Variants in GAREM1 observed in about 807,000 individuals in gnomAD.
GAREM1 encodes GRB2-associated and regulator of MAPK protein 1.
In GAREM1, 26 loss-of-function variants were observed where a neutral mutation model predicts 71.3. The ratio of observed to expected loss-of-function variants is 0.36; its 90% confidence interval spans 0.27 to 0.51. The LOEUF is 0.51. GAREM1 is among the 20% of genes least tolerant of loss of function. The pLI is 0.95. For synonymous variants in GAREM1, 440 were observed against 433.2 expected (o/e 1.02, Z -0.20); for missense variants, 1,026 against 1,103.1 (o/e 0.93, Z 0.99).
intron 4 of GAREM1, among the ~76,000 whole-genome samples, chr18:32,279,566 G>T (rs1320719306): frequency 6.6e-6 from 1 of 152,174 alleles, no homozygotes; most frequent in Non-Finnish European, 1.5e-5. Context: ...CCATCCAGTT[G>T]CAGGAAAACA....
intron 3 of GAREM1, among the ~76,000 whole-genome samples, chr18:32,295,570 T>C (rs185134031): frequency 1.3e-5 from 2 of 152,350 alleles, no homozygotes; most frequent in Admixed American, 1.3e-4. Context: ...AATATGTGTT[T>C]AGAAAACTAG....
rs146629535 is a variant in GAREM1 at position 32,312,151 on chromosome 18, C to T, written c.263-1828G>A. Among the ~76,000 whole-genome samples, 8 of 152,190 alleles carry T rather than the reference C, an allele frequency of 5.3e-5. No individual in the cohort carries two copies. In the East Asian group the frequency reaches 9.6e-4, roughly 18 times the overall value. On this transcript the variant is annotated intron_variant, in intron 2 of 5. Transcript: ENST00000269209. ...AGATGTTCAAAAAGTTCTTAGACACCGAAGTGTGGAGGTCAGGAGAGAAGT... is the reference window on the plus strand; with the variant it reads ...AGATGTTCAAAAAGTTCTTAGACACTGAAGTGTGGAGGTCAGGAGAGAAGT...
At chr18:32,349,579 T>C (rs1019885399) in intron 2 of GAREM1, among the ~76,000 whole-genome samples, 2 of 152,160 alleles carry the variant, frequency 1.3e-5, no homozygotes, top group Non-Finnish European at 2.9e-5. Flanking sequence ...GAAAAGGAAA[T>C]TTAAAAAATC....
intron 3 of GAREM1, among the ~76,000 whole-genome samples, chr18:32,299,222 T>G (rs1175986062): frequency 6.6e-6 from 1 of 151,920 alleles, no homozygotes; most frequent in Non-Finnish European, 1.5e-5. Flanking sequence ...AAATAAAAAG[T>G]GATTATATCT....
intron 1 of GAREM1, among the ~76,000 whole-genome samples, chr18:32,400,723 A>G (rs949099105): frequency 1.1e-4 from 16 of 152,118 alleles, no homozygotes; most frequent in Non-Finnish European, 1.5e-4. Flanking sequence ...TACACTGTTG[A>G]TGGGACTGTA....
chr18:32,288,263 T>C, intron 3 of GAREM1, 60 bp from the exon 4 acceptor site: 3 of 1,385,048 alleles, frequency 2.2e-6, no homozygotes, highest in South Asian at 2.8e-5. Flanking sequence ...CGCAAAGAAC[T>C]TCCTATTAAG....
chr18:32,316,480 T>C (rs552621080), intron 2 of GAREM1, among the ~76,000 whole-genome samples: 8 of 152,332 alleles, frequency 5.3e-5, no homozygotes, highest in African/African-American at 1.9e-4. Context: ...TGAGACAAGG[T>C]CTGGCTCTAT....
intron 1 of GAREM1, among the ~76,000 whole-genome samples, chr18:32,416,057 A>G (rs1285007510): frequency 3.3e-5 from 5 of 152,134 alleles, no homozygotes; most frequent in African/African-American, 1.2e-4. Context: ...ACAAAAATCA[A>G]TGGCATTTCT....
intron 2 of GAREM1, among the ~76,000 whole-genome samples, chr18:32,328,436 G>C (rs922933968): frequency 6.6e-6 from 1 of 152,130 alleles, no homozygotes; most frequent in Non-Finnish European, 1.5e-5. Context: ...GCTTCTTTCA[G>C]CAGTTACACT....
At chr18:32,418,221 G>A (rs929807769) in intron 1 of GAREM1, among the ~76,000 whole-genome samples, 6 of 152,234 alleles carry the variant, frequency 3.9e-5, no homozygotes, top group South Asian at 2.1e-4. Context: ...AGAGCAACCC[G>A]TGTTCTTTTC....
At chr18:32,375,990 A>G (rs945716457) in intron 2 of GAREM1, among the ~76,000 whole-genome samples, 1 of 144,446 alleles carries the variant, frequency 6.9e-6, no homozygotes, top group African/African-American at 2.7e-5. Flanking sequence ...AGTTGAATGT[A>G]AAAAAAAAAA....
chr18:32,376,934 T>G (rs2048036018), intron 2 of GAREM1, among the ~76,000 whole-genome samples: 1 of 152,220 alleles, frequency 6.6e-6, no homozygotes, highest in Non-Finnish European at 1.5e-5. Context: ...TTACATGATG[T>G]TTAGTATAAG....
rs1397118597 is a variant in GAREM1, at chr18:32,470,153, C to T, written c.121+155G>A. On this transcript the variant is annotated intron_variant, in intron 1 of 5. Coordinates refer to ENST00000269209, the MANE Select transcript of GAREM1 (RefSeq NM_001242409.2). The surrounding 1 kb of genome is among the most constrained non-coding windows in gnomAD (Gnocchi z 4.4). ...TGCTGCTGGGGGGAGTTGAGAGCAA[C>T]GCGCCAGGGCTGCGGCAGCCGCTCG... The T allele has an allele frequency of 4.4e-6, 4 of 903,794 alleles. No individual in the cohort carries two copies. Among genetic ancestry groups the T allele is most frequent in the East Asian group, 3.4e-5 (1 of 29,752 alleles). 56.0% of individuals were successfully genotyped at this position (903,794 alleles called of 1,614,324 possible).
Position 32,268,788 on chromosome 18 carries a change from G to A in GAREM1, c.1734-20C>T. On this transcript the variant is annotated intron_variant, in intron 5 of 5. Coordinates refer to ENST00000269209, the MANE Select transcript of GAREM1 (RefSeq NM_001242409.2). ...ACGCTGCTTAAAAGCAAACACAGAAGGAGAAATCAGTTAAAAGAAAAAAGC... is the reference window on the plus strand; with the variant it reads ...ACGCTGCTTAAAAGCAAACACAGAAAGAGAAATCAGTTAAAAGAAAAAAGC... 1.9e-6 allele frequency: 3 copies of A among 1,596,078 alleles called. No homozygotes were observed. The highest frequency in any genetic ancestry group is 1.7e-5 in the Admixed American group (1 of 57,906).
intron 2 of GAREM1, among the ~76,000 whole-genome samples, chr18:32,335,518 C>T (rs2047582213): frequency 6.6e-6 from 1 of 152,176 alleles, no homozygotes; most frequent in Non-Finnish European, 1.5e-5. Flanking sequence ...CAATTATGGG[C>T]TCCAGCAAAA....
At chr18:32,386,603 A>AATCTGTTCATCCATGATGACAGT (rs759397025) in intron 2 of GAREM1, among the ~76,000 whole-genome samples, 9 of 152,232 alleles carry the variant, frequency 5.9e-5, no homozygotes, top group African/African-American at 1.9e-4. Flanking sequence ...TTCAAGTAGC[A>AATCTGTTCATCCATGATGACAGT]ATCTGTTCAT....
intron 4 of GAREM1, among the ~76,000 whole-genome samples, chr18:32,275,964 C>T (rs1337187470): frequency 2.0e-5 from 3 of 152,174 alleles, no homozygotes; most frequent in South Asian, 4.1e-4. Context: ...CGTGAGCCAC[C>T]GTGCCTGGCC....
chr18:32,295,512 G>C (rs1284833510), intron 3 of GAREM1, among the ~76,000 whole-genome samples: 1 of 152,008 alleles, frequency 6.6e-6, no homozygotes, highest in Non-Finnish European at 1.5e-5. Flanking sequence ...AAAATGTCTG[G>C]GTAAAGTAAC....
intron 1 of GAREM1, among the ~76,000 whole-genome samples, chr18:32,418,629 C>T (rs1366251331): frequency 1.3e-5 from 2 of 152,114 alleles, no homozygotes; most frequent in African/African-American, 4.8e-5. Flanking sequence ...AAGGCCTTTC[C>T]TACCTGCCCC....
Sources: gnomAD v4.1 joint callset for allele counts (sites outside exome capture counted in the v4.1 genomes callset) on GRCh38, gnomAD v4.1.1 for gene constraint, Gnocchi (gnomAD v3.1) non-coding constraint, MANE v1.5 for transcripts, NCBI Gene and HGNC (gene_info 2026-07-23, HGNC 2026-07-21) for gene names.